The following INPP5A variants were observed in gnomAD, a reference collection of about 807,000 sequenced individuals.
INPP5A encodes the protein inositol polyphosphate-5-phosphatase A, also known as 43 kDa inositol polyphosphate 5-phophatase.
A neutral mutation model predicts 65.2 loss-of-function variants in INPP5A; 14 were observed. That is an observed-to-expected ratio of 0.21 (90% CI 0.14 to 0.34). The LOEUF is 0.34. Ranked by LOEUF, INPP5A falls within the 10% of genes least tolerant of loss-of-function variation. The pLI, the probability that INPP5A is intolerant of heterozygous loss-of-function variation, is 1.00. For synonymous variants in INPP5A, 207 were observed against 208.3 expected (o/e 0.99, Z 0.05); for missense variants, 431 against 545.6 (o/e 0.79, Z 2.09).
chr10:132,551,089 C>A lies in INPP5A; in HGVS notation c.75+12918C>A, dbSNP rs1332430396. On this transcript the variant is annotated intron_variant, in intron 1 of 15. Coordinates refer to ENST00000368594, the MANE Select transcript of INPP5A (RefSeq NM_005539.5). This position sits in a 1 kb window ranked among gnomAD's most constrained non-coding sequence, Gnocchi z 5.3. Reference sequence around the variant, plus strand: ...CAGGTTCCTGCCTGAGCCCACTGAGCAGATGATGGGGATGAGGCCCAGAGT... The same window carrying A: ...CAGGTTCCTGCCTGAGCCCACTGAGAAGATGATGGGGATGAGGCCCAGAGT... Among the ~76,000 whole-genome samples, 1 of 152,216 alleles carries A rather than the reference C, an allele frequency of 6.6e-6. No homozygotes were observed. Among genetic ancestry groups the A allele is most frequent in the East Asian group, 1.9e-4 (1 of 5,200 alleles).
At chr10:132,715,752 C>T (rs766271521) in intron 8 of INPP5A, among the ~76,000 whole-genome samples, 10 of 152,240 alleles carry the variant, frequency 6.6e-5, no homozygotes, top group Non-Finnish European at 1.5e-4. Flanking sequence ...CTGGTTCTCG[C>T]GCTCCTCACA....
At position 132,627,399 on chromosome 10, in the gene INPP5A, CT is replaced by C. The variant is rs750709675; in HGVS notation, c.118-18468del. On this transcript the variant is annotated intron_variant, in intron 2 of 15. Coordinates refer to ENST00000368594, the MANE Select transcript of INPP5A (RefSeq NM_005539.5). The surrounding 1 kb of genome is among the most constrained non-coding windows in gnomAD (Gnocchi z 6.6). ...GTCCTGAGAGGGTCTGTCCTGGCCG[CT>C]GAGCAGGTGGGTCTGGAGGGCGGTG... Among the ~76,000 whole-genome samples the C allele has an allele frequency of 1.8e-4, 27 of 152,230 alleles. No homozygotes were observed. In the East Asian group the frequency reaches 2.5e-3, roughly 14 times the overall value.
intron 2 of INPP5A, among the ~76,000 whole-genome samples, chr10:132,635,029 A>G (rs1001831193): frequency 1.3e-5 from 2 of 152,256 alleles, no homozygotes; most frequent in African/African-American, 4.8e-5. Flanking sequence ...GAACTTCCTG[A>G]TGAGAGTTCC....
chr10:132,647,493 A>T (rs1392431812), intron 3 of INPP5A, among the ~76,000 whole-genome samples: 1 of 152,232 alleles, frequency 6.6e-6, no homozygotes, highest in Non-Finnish European at 1.5e-5. Flanking sequence ...AAATTGCCAT[A>T]TAAGAGCAAA....
intron 11 of INPP5A, among the ~76,000 whole-genome samples, chr10:132,752,403 G>A (rs535813454): frequency 3.3e-5 from 5 of 150,880 alleles, no homozygotes; most frequent in African/African-American, 4.9e-5. Context: ...CCGGGGCTGC[G>A]TGGAGTGGGG....
chr10:132,612,744 T>C (rs999178091), intron 2 of INPP5A, among the ~76,000 whole-genome samples: 1 of 152,206 alleles, frequency 6.6e-6, no homozygotes, highest in Non-Finnish European at 1.5e-5. Flanking sequence ...CTCTCTAGGC[T>C]TCCTGGTTTG....
chr10:132,631,678 TG>T (rs749408899), intron 2 of INPP5A, among the ~76,000 whole-genome samples: 29 of 152,178 alleles, frequency 1.9e-4, no homozygotes, highest in Non-Finnish European at 3.8e-4. Flanking sequence ...GCCTGTTTCC[TG>T]GGAACCAGGG....
At chr10:132,749,097 G>A (rs569013459) in intron 9 of INPP5A, among the ~76,000 whole-genome samples, 59 of 152,374 alleles carry the variant, frequency 3.9e-4, no homozygotes, top group East Asian at 3.5e-3. Context: ...GCCCTTGCCC[G>A]TTGTCACAGT....
At chr10:132,646,806 T>C (rs1381963670) in intron 3 of INPP5A, among the ~76,000 whole-genome samples, 1 of 152,176 alleles carries the variant, frequency 6.6e-6, no homozygotes, top group Non-Finnish European at 1.5e-5. Context: ...CCGACGCCGC[T>C]GCCACACACT....
chr10:132,703,530 T>C (rs1354687674), intron 6 of INPP5A, among the ~76,000 whole-genome samples: 1 of 122,502 alleles, frequency 8.2e-6, no homozygotes, highest in Admixed American at 9.1e-5. Context: ...CACACTCACA[T>C]TTACCCATAC....
Position 132,755,554 on chromosome 10 carries a change from G to T in INPP5A, c.903+5709G>T, listed in dbSNP as rs191225720. On this transcript the variant is annotated intron_variant, in intron 11 of 15. Coordinates refer to ENST00000368594, the MANE Select transcript of INPP5A (RefSeq NM_005539.5). ...AGCAGGCATATGCATATGAGTGGGT[G>T]TGTGCATGAGAGCAGGTGTGAGCGA... Among the ~76,000 whole-genome samples the T allele has an allele frequency of 3.9e-3, 595 of 151,364 alleles. 2 individuals carry two copies. The highest frequency in any genetic ancestry group is 0.014 in the African/African-American group (565 of 41,118).
At chr10:132,720,259 T>C (rs537003916) in intron 8 of INPP5A, among the ~76,000 whole-genome samples, 5 of 150,892 alleles carry the variant, frequency 3.3e-5, no homozygotes, top group Admixed American at 6.6e-5. Context: ...GCGGGTTCTG[T>C]GGTGCCTGGG....
Position 132,700,511 on chromosome 10 carries a change from T to G in INPP5A, c.474+2592T>G, listed in dbSNP as rs548755536. On this transcript the variant is annotated intron_variant, in intron 6 of 15. Transcript: ENST00000368594. Reference sequence around the variant, plus strand: ...ACCCTTATTTTAAAAACTGTAAGCTTCTAACATTCTGTCCCTAGTGTGGGT... The same window carrying G: ...ACCCTTATTTTAAAAACTGTAAGCTGCTAACATTCTGTCCCTAGTGTGGGT... Among the ~76,000 whole-genome samples, 528 of 152,360 alleles carry G rather than the reference T, an allele frequency of 3.5e-3. 4 individuals carry two copies. The highest frequency in any genetic ancestry group is 0.012 in the African/African-American group (509 of 41,588).
In INPP5A at chr10:132,657,596, A is replaced by G. The variant is rs191232304; in HGVS notation, c.306+7091A>G. On this transcript the variant is annotated intron_variant, in intron 4 of 15. Transcript: ENST00000368594. The stretch of plus-strand genomic sequence containing the variant: ...AGTACCCAGCGGTGGCCCAGGAATG[A>G]GAGGCCCGCTGCTTCCTGGGAGAGG... 9.7e-3 allele frequency among the ~76,000 whole-genome samples: 1,249 copies of G among 128,372 alleles called. 15 individuals carry two copies. Among genetic ancestry groups the G allele is most frequent in the African/African-American group, 0.03 (1,198 of 39,676 alleles). The allele number at this position is 128,372 out of a possible 152,430, so 84.2% of individuals were successfully genotyped here.
intron 6 of INPP5A, among the ~76,000 whole-genome samples, chr10:132,700,152 A>G (rs979428643): frequency 6.6e-6 from 1 of 152,178 alleles, no homozygotes; most frequent in Non-Finnish European, 1.5e-5. Flanking sequence ...AGTGTTGTGC[A>G]GTGTTGTGTC....
intron 1 of INPP5A, among the ~76,000 whole-genome samples, chr10:132,541,177 C>T (rs1215537032): frequency 2.6e-5 from 4 of 152,120 alleles, no homozygotes; most frequent in Non-Finnish European, 2.9e-5. Flanking sequence ...CAGGTTTCGC[C>T]GTGTTGTCCG....
At chr10:132,653,386 G>T (rs1017784381) in intron 4 of INPP5A, among the ~76,000 whole-genome samples, 5 of 152,202 alleles carry the variant, frequency 3.3e-5, no homozygotes, top group African/African-American at 4.8e-5. Context: ...GTGCTTAAGG[G>T]CTCAGGTCCA....
At chr10:132,567,850 T>C (rs1272469378) in intron 1 of INPP5A, among the ~76,000 whole-genome samples, 3 of 152,110 alleles carry the variant, frequency 2.0e-5, no homozygotes, top group Non-Finnish European at 2.9e-5. Flanking sequence ...TTTTGAATGA[T>C]CATATAACTT....
At chr10:132,750,679 A>G (rs1846459797) in intron 11 of INPP5A, among the ~76,000 whole-genome samples, 1 of 152,256 alleles carries the variant, frequency 6.6e-6, no homozygotes, top group South Asian at 2.1e-4. Context: ...CGATTTCTGT[A>G]AACACGCCCA....
Sources: allele counts gnomAD v4.1 joint callset (sites outside exome capture counted in the v4.1 genomes callset), GRCh38; gene constraint gnomAD v4.1.1; non-coding constraint Gnocchi (gnomAD v3.1); transcripts MANE v1.5; gene names NCBI Gene and HGNC (gene_info 2026-07-23, HGNC 2026-07-21).